The following NEU4 variants were observed in gnomAD, a reference collection of about 807,000 sequenced individuals.
NEU4 encodes sialidase-4.
Under a neutral mutation model 9.9 loss-of-function variants are expected in NEU4, and 7 were observed. The observed-to-expected ratio is 0.71, with a 90% CI of 0.40 to 1.33. The LOEUF (loss-of-function observed/expected upper bound fraction) is 1.33. Ranked by LOEUF, NEU4 falls within the 40% of genes most tolerant of loss-of-function variation. NEU4 has a pLI of 0.01. For missense variants in NEU4, 717 were observed against 712.6 expected (o/e 1.01, Z -0.07); for synonymous variants, 348 against 316.9 (o/e 1.10, Z -1.04).
intron 3 of NEU4, chr2:241,815,358 C>A: frequency 1.5e-6 from 1 of 673,326 alleles, no homozygotes; most frequent in Non-Finnish European, 2.4e-6. Context: ...CAGACAAATC[C>A]CTCTCCCCAG....
At chr2:241,811,573 G>C in intron 1 of NEU4, 1 of 977,408 alleles carries the variant, frequency 1.0e-6, no homozygotes, top group South Asian at 3.5e-5. Context: ...CTGTCTGGGG[G>C]TGCTGGACGA....
intron 1 of NEU4, among the ~76,000 whole-genome samples, chr2:241,812,765 G>A (rs1364749624): frequency 1.3e-5 from 2 of 149,652 alleles, no homozygotes; most frequent in East Asian, 2.0e-4. Flanking sequence ...TGTGCAACAA[G>A]GGGAGTGACC....
intron 1 of NEU4, among the ~76,000 whole-genome samples, chr2:241,812,321 C>T (rs967920547): frequency 2.6e-5 from 4 of 152,188 alleles, no homozygotes; most frequent in East Asian, 1.9e-4. Flanking sequence ...CCCTGGGCCT[C>T]GGTTTCCCCT....
chr2:241,811,151 C>G (rs1700101159), intron 1 of NEU4: 7 of 1,222,806 alleles, frequency 5.7e-6, no homozygotes, highest in Non-Finnish European at 7.1e-6. Context: ...CTGGGCCTGT[C>G]CCAGCACAGC....
chr2:241,815,058 G>A lies in NEU4; in HGVS notation c.368G>A (p.Arg123His), dbSNP rs756243325. The A allele has an allele frequency of 2.1e-5, 33 of 1,586,356 alleles. No homozygotes were observed. Among genetic ancestry groups the A allele is most frequent in the Admixed American group, 3.5e-5 (2 of 57,744 alleles). ...VQIATGRNAA[R>H]LCCVASRDAG... ...ATCGCCACGGGAAGGAACGCCGCGC[G>A]CCTCTGCTGTGTGGCCAGCCGTGAC... The change falls in exon 3 of 4, where the codon CGC becomes CAC. Residue 123 changes from arginine (R) to histidine (H), a missense_variant. By Grantham distance (29) the Arg-to-His change is conservative (BLOSUM62 0). Transcript: ENST00000407683.
At chr2:241,813,842 CCG>C (rs1700203698) in intron 1 of NEU4, 10 of 310,020 alleles carry the variant, frequency 3.2e-5, no homozygotes, top group South Asian at 2.5e-4. Flanking sequence ...CCAGAGAGCC[CCG>C]TGACTCCCCC....
Position 241,816,927 on chromosome 2 carries a change from C to T in NEU4, c.1334C>T (p.Thr445Ile). The T allele has an allele frequency of 6.2e-7, 1 of 1,612,904 alleles. No individual in the cohort carries two copies. The highest frequency in any genetic ancestry group is 8.5e-7 in the Non-Finnish European group (1 of 1,179,950). Reference protein sequence around the residue: ...FACLYESGARTSYDEISFCTF... With the variant: ...FACLYESGARISYDEISFCTF... ...TGCCTGTACGAGAGCGGGGCCAGGA[C>T]CTCCTATGATGAGATTTCCTTTTGT... The change falls in exon 4 of 4, where the codon ACC becomes ATC. Residue 445 changes from threonine (T) to isoleucine (I), a missense_variant. Thr to Ile is a moderately conservative substitution (Grantham distance 89). Coordinates refer to ENST00000407683, the MANE Select transcript of NEU4 (RefSeq NM_001167600.3).
intron 3 of NEU4, chr2:241,815,759 C>T: frequency 1.7e-6 from 1 of 581,198 alleles, no homozygotes; most frequent in South Asian, 2.0e-5. Context: ...CCCAGGGACC[C>T]CACTGCAGGG....
intron 3 of NEU4, chr2:241,815,370 ACTGTTCTGCGCCTCCCGTC>A (rs1700287764): frequency 1.0e-5 from 6 of 596,174 alleles, no homozygotes; most frequent in Non-Finnish European, 1.4e-5. Context: ...TCTCCCCAGG[ACTGTTCTGCGCCTCCCGTC>A]CCAGGCAAAT....
chr2:241,811,663 C>T (rs372290183), intron 1 of NEU4: 237 of 414,984 alleles, frequency 5.7e-4, no homozygotes, highest in Middle Eastern at 5.5e-3. Context: ...AGGGCCCCTC[C>T]AGCAAGAGGT....
chr2:241,816,508 GC>G lies in NEU4; in HGVS notation c.917del (p.Pro306LeufsTer17). The G allele has an allele frequency of 6.2e-7, 1 of 1,610,960 alleles. No individual in the cohort carries two copies. The highest frequency in any genetic ancestry group is 8.5e-7 in the Non-Finnish European group (1 of 1,179,430). On this transcript the variant is annotated frameshift_variant, in exon 4 of 4. Coordinates refer to ENST00000407683, the MANE Select transcript of NEU4 (RefSeq NM_001167600.3). LOFTEE classifies it low-confidence loss of function (END_TRUNC). ...CAGTGGGCCCCGGGAGTCCCCTCCA[GC>G]CTCCACTCCTCGGTCCTGGAGTCCA... Reference protein sequence around the residue: ...WSVGPGSPLQPPLLGPGVHEP... With the variant: ...WSVGPGSPLQXPLLGPGVHEP...
intron 1 of NEU4, chr2:241,811,146 C>G (rs1700101040): frequency 4.9e-6 from 6 of 1,220,776 alleles, no homozygotes; most frequent in South Asian, 4.2e-5. Context: ...CACAGCTGGG[C>G]CTGTCCCAGC....
intron 1 of NEU4, chr2:241,811,865 G>A (rs764552647): frequency 3.0e-5 from 6 of 197,952 alleles, no homozygotes; most frequent in Admixed American, 6.1e-5. Flanking sequence ...CAGGTGAAGG[G>A]TCTGTGGTCG....
chr2:241,813,596 G>A (rs1228145767), intron 1 of NEU4: 3 of 1,192,534 alleles, frequency 2.5e-6, no homozygotes, highest in South Asian at 2.6e-5. Context: ...GGTGTTGCCT[G>A]GGAGCAAACT....
At chr2:241,810,286 C>T (rs879819548) in intron 1 of NEU4, among the ~76,000 whole-genome samples, 13 of 152,146 alleles carry the variant, frequency 8.5e-5, no homozygotes, top group Non-Finnish European at 1.6e-4. Flanking sequence ...ACCGTCTTCA[C>T]GAGCTCTGGC....
chr2:241,814,372 G>C lies in NEU4; in HGVS notation c.-3-110G>C, dbSNP rs1700228825. ...TGGGTACAGGAAGAGGCCCAGGTGT[G>C]GGCAGGAGCTGTCTGCACCTCCTGA... On this transcript the variant is annotated intron_variant, in intron 1 of 3. Coordinates refer to ENST00000407683, the MANE Select transcript of NEU4 (RefSeq NM_001167600.3). The C allele has an allele frequency of 6.8e-6, 7 of 1,024,902 alleles. No individual in the cohort carries two copies. The East Asian group carries it at 1.8e-4, about 26-fold the overall frequency. The allele number at this position is 1,024,902 out of a possible 1,614,324, so 63.5% of individuals were successfully genotyped here.
At chr2:241,814,067 G>T in intron 1 of NEU4, 1 of 478,514 alleles carries the variant, frequency 2.1e-6, no homozygotes. Flanking sequence ...CTTGCTCGAG[G>T]TTTTGGGTCC....
chr2:241,813,684 G>T (rs948592363), intron 1 of NEU4: 4 of 515,214 alleles, frequency 7.8e-6, no homozygotes, highest in Non-Finnish European at 1.4e-5. Context: ...GGGCCCTGCA[G>T]GTGGGAAGCA....
chr2:241,814,063 C>T (rs1017153298), intron 1 of NEU4: 64 of 468,070 alleles, frequency 1.4e-4, no homozygotes, highest in East Asian at 9.6e-4. Flanking sequence ...CCTCCTTGCT[C>T]GAGGTTTTGG....
Sources: allele counts gnomAD v4.1 joint callset (sites outside exome capture counted in the v4.1 genomes callset), GRCh38; gene constraint gnomAD v4.1.1; transcripts MANE v1.5; gene names NCBI Gene and HGNC (gene_info 2026-07-23, HGNC 2026-07-21).